FMN1: variants seen among roughly 807,000 people sequenced by gnomAD.
FMN1 encodes the protein formin-1.
Under a neutral mutation model 132.4 loss-of-function variants are expected in FMN1, and 110 were observed. The observed-to-expected ratio is 0.83, with a 90% CI of 0.71 to 0.97. FMN1 has a LOEUF of 0.97. Ranked by LOEUF, FMN1 falls within the 50% of genes least tolerant of loss-of-function variation. The pLI, the probability that FMN1 is intolerant of heterozygous loss-of-function variation, is 0.00. For missense variants in FMN1, 1,792 were observed against 1,705.3 expected (o/e 1.05, Z -0.90); for synonymous variants, 722 against 651.7 (o/e 1.11, Z -1.64).
At chr15:32,798,274 G>A (rs2057361428) in intron 19 of FMN1, among the ~76,000 whole-genome samples, 1 of 151,910 alleles carries the variant, frequency 6.6e-6, no homozygotes, top group African/African-American at 2.4e-5. Flanking sequence ...AAAATCGGGG[G>A]CTGCAACGAG....
In FMN1 at chr15:33,048,644, A is replaced by AAAACAAAACAAAAACAAAAAC. The variant is rs1555388956; in HGVS notation, c.2161+16312_2161+16313insGTTTTTGTTTTTGTTTTGTTT. ...TGGGCAATTTACCAAAAAAAAAAAA[A>AAAACAAAACAAAAACAAAAAC]AAAAACCAACAGTTTAATGGACTTA... is the stretch of plus-strand genomic sequence containing the variant. On this transcript the variant is annotated intron_variant, in intron 6 of 20. Transcript: ENST00000616417. Among the ~76,000 whole-genome samples the AAAACAAAACAAAAACAAAAAC allele has an allele frequency of 2.6e-4, 23 of 86,948 alleles. 5 individuals are homozygous for AAAACAAAACAAAAACAAAAAC. Among genetic ancestry groups the AAAACAAAACAAAAACAAAAAC allele is most frequent in the South Asian group, 2.5e-3 (8 of 3,246 alleles). The allele number at this position is 86,948 out of a possible 152,430, so 57.0% of individuals were successfully genotyped here.
At chr15:33,065,103 G>A (rs1279351425) in intron 5 of FMN1, 29 bp from the exon 6 acceptor site, 2 of 1,495,514 alleles carry the variant, frequency 1.3e-6, no homozygotes, top group East Asian at 2.3e-5. Context: ...AATAGTAAGT[G>A]GAATGTAGTC....
intron 4 of FMN1, among the ~76,000 whole-genome samples, chr15:33,102,040 T>G (rs530565408): frequency 6.6e-6 from 1 of 152,284 alleles, no homozygotes; most frequent in South Asian, 2.1e-4. Context: ...CCAAGTTTAC[T>G]TGTGTCTTCC....
intron 10 of FMN1, among the ~76,000 whole-genome samples, chr15:32,916,232 A>G (rs565207651): frequency 3.7e-4 from 56 of 152,324 alleles, no homozygotes; most frequent in African/African-American, 1.3e-3. Context: ...TCCGGGTAAG[A>G]GATGGCTTTT....
chr15:33,077,633 G>T (rs114583938), intron 5 of FMN1, among the ~76,000 whole-genome samples: 2,047 of 151,240 alleles, frequency 0.014, 41 homozygotes, highest in African/African-American at 0.047. Flanking sequence ...TTTTCTCCTT[G>T]CAACAGTTTG....
chr15:33,023,069 A>G (rs866128753), intron 6 of FMN1, among the ~76,000 whole-genome samples: 3 of 63,604 alleles, frequency 4.7e-5, no homozygotes, highest in African/African-American at 9.9e-5. Context: ...CAAAAAAAAA[A>G]AAAAAAAAGA....
chr15:33,042,778 CT>C (rs5811727), intron 6 of FMN1, among the ~76,000 whole-genome samples: 23 of 149,762 alleles, frequency 1.5e-4, no homozygotes, highest in South Asian at 8.5e-4. Context: ...AACCCCCCAA[CT>C]TTTTTTTTTT....
chr15:32,786,793 G>A (rs1208858035), intron 19 of FMN1, among the ~76,000 whole-genome samples: 1 of 152,200 alleles, frequency 6.6e-6, no homozygotes, highest in African/African-American at 2.4e-5. Context: ...GAGGGATATG[G>A]CTGTGTCCAG....
intron 5 of FMN1, among the ~76,000 whole-genome samples, chr15:33,087,501 G>A (rs981136911): frequency 5.3e-5 from 8 of 152,066 alleles, no homozygotes; most frequent in South Asian, 2.1e-4. Flanking sequence ...AGCCAAGATC[G>A]TGCCACTGCA....
At chr15:32,786,863 A>G (rs2056896805) in intron 19 of FMN1, among the ~76,000 whole-genome samples, 1 of 152,162 alleles carries the variant, frequency 6.6e-6, no homozygotes, top group Admixed American at 6.5e-5. Flanking sequence ...TGTCCACTCT[A>G]TATAGTTTGT....
chr15:32,962,491 TG>T (rs1170238585), intron 9 of FMN1, among the ~76,000 whole-genome samples: 1 of 151,462 alleles, frequency 6.6e-6, no homozygotes, highest in Non-Finnish European at 1.5e-5. Flanking sequence ...AATTGACAAA[TG>T]GGATCTAATT....
At position 33,105,664 on chromosome 15, in the gene FMN1, A is replaced by G. The variant is rs182197217; in HGVS notation, c.1868-16690T>C. On this transcript the variant is annotated intron_variant, in intron 4 of 20. Coordinates refer to ENST00000616417, the MANE Select transcript of FMN1 (RefSeq NM_001277313.2). The stretch of plus-strand genomic sequence containing the variant: ...TTTCTTATGTACTGTTTGGATATCT[A>G]AAGATTAATTACTTCCTGTTTTCTC... The G allele has an allele frequency of 2.0e-5, 3 of 152,294 alleles. No homozygotes were observed. In the East Asian group the frequency reaches 5.8e-4, roughly 29 times the overall value. The allele number at this position is 152,294 out of a possible 1,614,324, so 9.4% of individuals were successfully genotyped here. A position where few individuals can be genotyped will look rare whatever the true frequency, so the allele number is the denominator to read the frequency against.
intron 4 of FMN1, chr15:33,149,979 C>T: frequency 1.0e-6 from 1 of 985,202 alleles, no homozygotes; most frequent in Non-Finnish European, 1.2e-6. Context: ...TACATATTTT[C>T]ATGGGCACAA....
In FMN1 at chr15:33,012,507, G is replaced by C. The variant is rs2034786250; in HGVS notation, c.2162-4432C>G. The C allele has an allele frequency of 1.4e-5, 20 of 1,456,820 alleles. 1 individual carries two copies. The highest frequency in any genetic ancestry group is 1.4e-4 in the South Asian group (12 of 88,192). 90.2% of individuals were successfully genotyped at this position (1,456,820 alleles called of 1,614,324 possible). The stretch of plus-strand genomic sequence containing the variant: ...ATTATTTTCAACAGTATGGAAAAAT[G>C]GAAGTGATTGAAATCATGACTGACC... On this transcript the variant is annotated intron_variant, in intron 6 of 20. Coordinates refer to ENST00000616417, the MANE Select transcript of FMN1 (RefSeq NM_001277313.2).
intron 7 of FMN1, among the ~76,000 whole-genome samples, chr15:32,975,732 A>G (rs1256573548): frequency 3.3e-5 from 5 of 152,196 alleles, no homozygotes; most frequent in African/African-American, 7.2e-5. Context: ...CTTCACAGTC[A>G]GCTCAAAGGC....
At chr15:33,082,831 GAGTT>G (rs2038536618) in intron 5 of FMN1, among the ~76,000 whole-genome samples, 1 of 151,816 alleles carries the variant, frequency 6.6e-6, no homozygotes, top group Admixed American at 6.6e-5. Context: ...AGGAGTGATA[GAGTT>G]AGTTAATAAA....
chr15:32,872,508 C>T (rs1449306332), intron 16 of FMN1, among the ~76,000 whole-genome samples: 1 of 152,212 alleles, frequency 6.6e-6, no homozygotes, highest in South Asian at 2.1e-4. Flanking sequence ...CTAAATATGT[C>T]CTCTGAAGTC....
intron 10 of FMN1, among the ~76,000 whole-genome samples, chr15:32,916,088 A>G (rs575256639): frequency 1.3e-5 from 2 of 152,312 alleles, no homozygotes; most frequent in East Asian, 3.9e-4. Context: ...CCATTAAGAT[A>G]TAATAACCGT....
At chr15:33,094,964 C>G (rs191542626) in intron 4 of FMN1, among the ~76,000 whole-genome samples, 320 of 152,298 alleles carry the variant, frequency 2.1e-3, no homozygotes, top group African/African-American at 7.4e-3. Context: ...CATTAAAAGC[C>G]TCCGTCTACT....
Sources: allele counts gnomAD v4.1 joint callset (sites outside exome capture counted in the v4.1 genomes callset), GRCh38; gene constraint gnomAD v4.1.1; transcripts MANE v1.5; gene names NCBI Gene and HGNC (gene_info 2026-07-23, HGNC 2026-07-21).